The following LPCAT2 variants were observed in gnomAD, a reference collection of about 807,000 sequenced individuals.
LPCAT2 encodes lysophosphatidylcholine acyltransferase 2.
A neutral mutation model predicts 64.7 loss-of-function variants in LPCAT2; 58 were observed. The observed-to-expected ratio is 0.90, with a 90% confidence interval of 0.73 to 1.12. The LOEUF (loss-of-function observed/expected upper bound fraction) is 1.12. LPCAT2 is among the 50% of genes most tolerant of loss of function. The pLI, the probability that LPCAT2 is intolerant of heterozygous loss-of-function variation, is 0.00. For missense variants in LPCAT2, 579 were observed against 669.8 expected (o/e 0.86, Z 1.50); for synonymous variants, 252 against 245.3 (o/e 1.03, Z -0.26).
chr16:55,583,111 C>A lies in LPCAT2; in HGVS notation c.*13C>A. On this transcript the variant is annotated 3_prime_UTR_variant, in exon 14 of 14. Coordinates refer to ENST00000262134, the MANE Select transcript of LPCAT2 (RefSeq NM_017839.5). ...AAAAGATGACTGAAAGCAGTATTTCCAATAAGGAAAACACAGTAGCTTTTG... is the reference window on the plus strand; with the variant it reads ...AAAAGATGACTGAAAGCAGTATTTCAAATAAGGAAAACACAGTAGCTTTTG... The A allele has an allele frequency of 1.2e-6, 2 of 1,603,020 alleles. No homozygotes were observed. Among genetic ancestry groups the A allele is most frequent in the Non-Finnish European group, 1.7e-6 (2 of 1,172,876 alleles).
chr16:55,584,796 T>C lies in LPCAT2; in HGVS notation c.*1698T>C, dbSNP rs1485206754. The C allele has an allele frequency of 2.6e-5, 4 of 152,176 alleles. No individual in the cohort carries two copies. The highest frequency in any genetic ancestry group is 9.6e-5 in the African/African-American group (4 of 41,460). 9.4% of individuals were successfully genotyped at this position (152,176 alleles called of 1,614,324 possible). ...GGGTAAATGTGTGTTTGGATAAATA[T>C]CTGAAAATTTTATCCTTAAGTATAT... is the stretch of plus-strand genomic sequence containing the variant. On this transcript the variant is annotated 3_prime_UTR_variant, in exon 14 of 14. Coordinates refer to ENST00000262134, the MANE Select transcript of LPCAT2 (RefSeq NM_017839.5).
intron 11 of LPCAT2, among the ~76,000 whole-genome samples, chr16:55,568,451 G>A (rs909864747): frequency 6.6e-6 from 1 of 152,194 alleles, no homozygotes; most frequent in Non-Finnish European, 1.5e-5. Flanking sequence ...ACAGTAATCA[G>A]TTAAATGGAA....
chr16:55,584,641 C>G lies in LPCAT2; in HGVS notation c.*1543C>G, dbSNP rs1173293800. The G allele has an allele frequency of 1.3e-5, 2 of 152,012 alleles. No individual in the cohort carries two copies. 9.4% of individuals were successfully genotyped at this position (152,012 alleles called of 1,614,324 possible). ...TTTCTGAATGTATTGGTGATTCACC[C>G]CCAAGCTAATTTTTTAAAGTCATTT... On this transcript the variant is annotated 3_prime_UTR_variant, in exon 14 of 14. Transcript: ENST00000262134.
chr16:55,567,191 G>C, intron 11 of LPCAT2: 1 of 1,613,914 alleles, frequency 6.2e-7, no homozygotes, highest in Non-Finnish European at 8.5e-7. Context: ...AAGAATTTAA[G>C]TATCTGTGGA....
intron 13 of LPCAT2, among the ~76,000 whole-genome samples, chr16:55,579,720 T>C (rs574898522): frequency 6.6e-6 from 1 of 152,278 alleles, no homozygotes; most frequent in South Asian, 2.1e-4. Context: ...TAAAGGAACA[T>C]GGACTGAGGC....
intron 11 of LPCAT2, among the ~76,000 whole-genome samples, chr16:55,555,237 T>C (rs1368370112): frequency 6.6e-6 from 1 of 152,194 alleles, no homozygotes; most frequent in East Asian, 1.9e-4. Context: ...TAACATGAGA[T>C]ATGCCTGTAT....
At chr16:55,566,053 GCA>G (rs1963691906) in intron 11 of LPCAT2, among the ~76,000 whole-genome samples, 1 of 152,134 alleles carries the variant, frequency 6.6e-6, no homozygotes, top group African/African-American at 2.4e-5. Context: ...TGAGATGTGT[GCA>G]GTCTGTGAAA....
intron 11 of LPCAT2, among the ~76,000 whole-genome samples, chr16:55,551,954 A>G (rs1963522767): frequency 6.6e-6 from 1 of 152,150 alleles, no homozygotes; most frequent in Admixed American, 6.5e-5. Context: ...TTCTCAAAAA[A>G]AAATTGATAG....
intron 1 of LPCAT2, among the ~76,000 whole-genome samples, chr16:55,511,250 G>A (rs1359643626): frequency 6.6e-6 from 1 of 151,954 alleles, no homozygotes; most frequent in Non-Finnish European, 1.5e-5. Context: ...TTACTACTTG[G>A]ATTAAATGGG....
chr16:55,583,002 A>G lies in LPCAT2; in HGVS notation c.1539A>G (p.Ser513=), dbSNP rs562833276. ...ACCTCCAGACGTGCCATGTGTTTTC[A>G]TTACCAAAAGAAGTCCAGACAACCC... ...YLDLQTCHVF[S]LPKEVQTTPS... The change falls in exon 14 of 14, where the codon TCA becomes TCG. Residue 513 remains serine, a synonymous_variant. Transcript: ENST00000262134. The G allele has an allele frequency of 6.2e-7, 1 of 1,613,894 alleles. No individual in the cohort carries two copies. Among genetic ancestry groups the G allele is most frequent in the African/African-American group, 1.3e-5 (1 of 75,036 alleles).
At chr16:55,577,490 C>T (rs1963840525) in intron 12 of LPCAT2, among the ~76,000 whole-genome samples, 2 of 152,222 alleles carry the variant, frequency 1.3e-5, no homozygotes, top group Admixed American at 1.3e-4. Context: ...TGTGCCTCAG[C>T]TTTCCCATCT....
intron 1 of LPCAT2, among the ~76,000 whole-genome samples, chr16:55,522,453 G>T (rs548653432): frequency 1.3e-4 from 19 of 151,686 alleles, no homozygotes; most frequent in Admixed American, 1.2e-3. Context: ...AATCCTAACA[G>T]GTTTTTGTGT....
At chr16:55,524,579 G>A (rs2142396318) in intron 1 of LPCAT2, among the ~76,000 whole-genome samples, 1 of 151,974 alleles carries the variant, frequency 6.6e-6, no homozygotes, top group East Asian at 1.9e-4. Context: ...CAGATAATTA[G>A]AATATATTGG....
rs1596856092 is a variant in LPCAT2 at position 55,528,551 on chromosome 16, T to C, written c.486T>C (p.Ser162=). The C allele has an allele frequency of 1.9e-6, 3 of 1,613,992 alleles. No homozygotes were observed. Among genetic ancestry groups the C allele is most frequent in the Non-Finnish European group, 2.5e-6 (3 of 1,179,938 alleles). Residue 162 remains serine (S), a synonymous_variant, in exon 3 of 14, where the codon TCT becomes TCC. Coordinates refer to ENST00000262134, the MANE Select transcript of LPCAT2 (RefSeq NM_017839.5). The part of the protein sequence containing the change: ...GIACVVAGLP[S]MVSRNENAQV... ...CCTGTGTTGTAGCTGGGTTACCTTC[T>C]ATGGTATCTCGAAATGAGAATGCAC...
At chr16:55,552,439 G>C (rs1963528231) in intron 11 of LPCAT2, among the ~76,000 whole-genome samples, 1 of 152,068 alleles carries the variant, frequency 6.6e-6, no homozygotes, top group Non-Finnish European at 1.5e-5. Flanking sequence ...ATAAATGTAG[G>C]TTTTCATTTC....
chr16:55,579,111 G>T lies in LPCAT2; in HGVS notation c.1317G>T (p.Leu439=), dbSNP rs757763403. Residue 439 remains leucine, a splice_region_variant and synonymous_variant, in exon 13 of 14, where the codon CTG becomes CTT. Coordinates refer to ENST00000262134, the MANE Select transcript of LPCAT2 (RefSeq NM_017839.5). ...TEEIIQVAFK[L]FDVDEDGYIT... is the part of the protein sequence containing the mutation. ...TTCTTACATTTTATTTTCTTCAGCT[G>T]TTTGACGTTGATGAGGATGGCTACA... The T allele has an allele frequency of 6.2e-7, 1 of 1,612,654 alleles. No individual in the cohort carries two copies. Among genetic ancestry groups the T allele is most frequent in the South Asian group, 1.1e-5 (1 of 90,858 alleles).
At chr16:55,549,669 G>A (rs1963493710) in intron 10 of LPCAT2, among the ~76,000 whole-genome samples, 1 of 152,186 alleles carries the variant, frequency 6.6e-6, no homozygotes, top group African/African-American at 2.4e-5. Context: ...TCCCTACTCA[G>A]AGGGAGTTAG....
intron 11 of LPCAT2, among the ~76,000 whole-genome samples, chr16:55,559,140 A>G (rs1963607673): frequency 6.6e-6 from 1 of 152,160 alleles, no homozygotes; most frequent in Admixed American, 6.5e-5. Flanking sequence ...CTTTTTACCA[A>G]CACCATTATG....
chr16:55,556,371 A>G (rs1963574730), intron 11 of LPCAT2, among the ~76,000 whole-genome samples: 2 of 152,204 alleles, frequency 1.3e-5, no homozygotes, highest in African/African-American at 4.8e-5. Context: ...AGTTTATAGC[A>G]TATCTTAGAC....
Sources: allele counts gnomAD v4.1 joint callset (sites outside exome capture counted in the v4.1 genomes callset), GRCh38; gene constraint gnomAD v4.1.1; transcripts MANE v1.5; gene names NCBI Gene and HGNC (gene_info 2026-07-23, HGNC 2026-07-21).